The following BLCAP variants were observed in gnomAD, a reference collection of about 807,000 sequenced individuals.
The protein encoded by BLCAP is apoptosis inducing factor BLCAP.
Under a neutral mutation model 5.7 loss-of-function variants are expected in BLCAP, and 1 was observed. The observed-to-expected ratio is 0.18, with a 90% CI of 0.06 to 0.83. The LOEUF (loss-of-function observed/expected upper bound fraction) is 0.83, where lower values mean the gene tolerates loss of function less well. Among genes scored for constraint, BLCAP ranks in the 40% least tolerant of loss-of-function variants. The pLI is 0.71. For missense variants in BLCAP, 66 were observed against 107.6 expected, an observed-to-expected ratio of 0.61 and a Z score of 1.71; for synonymous variants, 48 against 49.4, an observed-to-expected ratio of 0.97 and a Z score of 0.11.
Position 37,518,322 on chromosome 20 carries a change from C to T in BLCAP, c.*589G>A, listed in dbSNP as rs1173294996. The T allele has an allele frequency of 6.6e-6, 1 of 152,372 alleles. No individual in the cohort carries two copies. Among genetic ancestry groups the T allele is most frequent in the East Asian group, 1.9e-4 (1 of 5,188 alleles). 9.4% of individuals were successfully genotyped at this position (152,372 alleles called of 1,614,324 possible). The stretch of plus-strand genomic sequence containing the variant: ...ATTTGTGGACAACTAACAGTCAAGA[C>T]ATGTTTCTGTCTAGCCTGCTGAACA... On this transcript the variant is annotated 3_prime_UTR_variant, in exon 2 of 2. Transcript: ENST00000373537.
intron 1 of BLCAP, chr20:37,522,648 C>A: frequency 6.2e-7 from 1 of 1,603,744 alleles, no homozygotes. Context: ...AAGGGTGGGT[C>A]CTGGGTTTCT....
intron 1 of BLCAP, chr20:37,522,630 T>C: frequency 6.4e-7 from 1 of 1,571,212 alleles, no homozygotes; most frequent in Non-Finnish European, 8.7e-7. Flanking sequence ...CTGTGGGTGC[T>C]CTCCACTAAG....
intron 1 of BLCAP, among the ~76,000 whole-genome samples, chr20:37,519,823 T>C (rs2071508481): frequency 6.6e-6 from 1 of 152,236 alleles, no homozygotes; most frequent in Non-Finnish European, 1.5e-5. Context: ...CTCACAGCCA[T>C]AGGTGCTCAG....
chr20:37,522,787 G>A (rs992145446), intron 1 of BLCAP: 19 of 1,552,148 alleles, frequency 1.2e-5, no homozygotes, highest in Non-Finnish European at 1.7e-5. Flanking sequence ...CTGGGCGGCC[G>A]TATCATCAGG....
intron 1 of BLCAP, chr20:37,523,543 ATTGT>A (rs1378365401): frequency 1.3e-5 from 2 of 152,438 alleles, no homozygotes; most frequent in African/African-American, 2.4e-5. Context: ...AATTGTACTG[ATTGT>A]TTAAGTGTGC....
rs911905492 is a variant in BLCAP, at chr20:37,521,374, G to A, written c.-176-2024C>T. ...GGCCTCGGCTGAACTGCTCATCATC[G>A]GCTGGTACATCTTCCGCGTGCTGCT... On this transcript the variant is annotated intron_variant, in intron 1 of 1. Transcript: ENST00000373537. The surrounding 1 kb of genome is among the most constrained non-coding windows in gnomAD (Gnocchi z 4.5). The A allele has an allele frequency of 1.2e-6, 2 of 1,613,964 alleles. No individual in the cohort carries two copies.
chr20:37,519,998 T>C (rs11906808), intron 1 of BLCAP, among the ~76,000 whole-genome samples: 3,069 of 152,344 alleles, frequency 0.02, 98 homozygotes, highest in African/African-American at 0.069. Context: ...ATCTGCCAAC[T>C]TCTCCGAAAG....
At chr20:37,522,893 G>GT in intron 1 of BLCAP, 1 of 717,004 alleles carries the variant, frequency 1.4e-6, no homozygotes. Context: ...GGCAAGGTCA[G>GT]TGAGGGGCCA....
intron 1 of BLCAP, among the ~76,000 whole-genome samples, chr20:37,526,060 C>A (rs12481150): frequency 0.27 from 40,320 of 152,022 alleles, 6,199 homozygotes; most frequent in South Asian, 0.48. Flanking sequence ...GACACTGTTA[C>A]CTTTATCTGT....
At chr20:37,519,404 CA>C (rs543149253) in intron 1 of BLCAP, 54 bp from the exon 2 acceptor site, 905 of 42,988 alleles carry the variant, frequency 0.021, 3 homozygotes, top group African/African-American at 0.051. Flanking sequence ...GACAGACAGA[CA>C]AAAAAAAAAA....
rs1568680214 is a variant in BLCAP at position 37,517,705 on chromosome 20, G to T, written c.*1206C>A. 2.6e-5 allele frequency: 4 copies of T among 152,628 alleles called. No homozygotes were observed. Among genetic ancestry groups the T allele is most frequent in the Admixed American group, 2.0e-4 (3 of 15,280 alleles). 9.5% of individuals were successfully genotyped at this position (152,628 alleles called of 1,614,324 possible). A position where few individuals can be genotyped will look rare whatever the true frequency, so the allele number is the denominator to read the frequency against. On this transcript the variant is annotated 3_prime_UTR_variant, in exon 2 of 2. Transcript: ENST00000373537. ...TTGTTACTGAAGCGCAGAAAAAGCA[G>T]CAAGTGACAGTCACAAAGTCTTCCT...
Position 37,518,840 on chromosome 20 carries a change from A to G in BLCAP, c.*71T>C, listed in dbSNP as rs560027205. The G allele has an allele frequency of 3.2e-4, 502 of 1,558,428 alleles. No individual in the cohort carries two copies. The highest frequency in any genetic ancestry group is 3.9e-4 in the Non-Finnish European group (447 of 1,154,620). ...CGAGGCTGCGGGATTTGAAACTCCA[A>G]TGCTTTATGACCTATGTCAATGCCT... On this transcript the variant is annotated 3_prime_UTR_variant, in exon 2 of 2. Coordinates refer to ENST00000373537, the MANE Select transcript of BLCAP (RefSeq NM_006698.4).
In BLCAP at chr20:37,521,180, A is replaced by AC. The variant is rs73621694; in HGVS notation, c.-176-1831dup. On this transcript the variant is annotated intron_variant, in intron 1 of 1. Coordinates refer to ENST00000373537, the MANE Select transcript of BLCAP (RefSeq NM_006698.4). This position sits in a 1 kb window ranked among gnomAD's most constrained non-coding sequence, Gnocchi z 4.5. Reference sequence around the variant, plus strand: ...CCCCCAGCCACCCCTCCTCATAAACACCCCCCAAGGCGCGCATGCGCACTT... The same window carrying AC: ...CCCCCAGCCACCCCTCCTCATAAACACCCCCCCAAGGCGCGCATGCGCACTT... 444 of 736,728 alleles carry AC rather than the reference A, an allele frequency of 6.0e-4. 3 individuals carry two copies. In the East Asian group the frequency reaches 7.9e-3, roughly 13 times the overall value. 45.6% of individuals were successfully genotyped at this position (736,728 alleles called of 1,614,324 possible).
At chr20:37,522,405 T>C in intron 1 of BLCAP, 3 of 1,614,004 alleles carry the variant, frequency 1.9e-6, no homozygotes, top group Non-Finnish European at 2.5e-6. Context: ...CTTTTCGAAA[T>C]CCTCCAGGGA....
chr20:37,518,644 AGGGG>A lies in BLCAP; in HGVS notation c.*263_*266del. The A allele has an allele frequency of 4.1e-6, 2 of 489,202 alleles. No individual in the cohort carries two copies. The highest frequency in any genetic ancestry group is 3.5e-5 in the Admixed American group (1 of 28,402). 30.3% of individuals were successfully genotyped at this position (489,202 alleles called of 1,614,324 possible). ...AGACTCCTCACAGTAATGAGGCGAG[AGGGG>A]TGGTCATGCGGCCAGCCAGGACCTA... is the stretch of plus-strand genomic sequence containing the variant. On this transcript the variant is annotated 3_prime_UTR_variant, in exon 2 of 2. Transcript: ENST00000373537.
In BLCAP at chr20:37,521,647, G is replaced by C; in HGVS notation, c.-176-2297C>G. On this transcript the variant is annotated intron_variant, in intron 1 of 1. Coordinates refer to ENST00000373537, the MANE Select transcript of BLCAP (RefSeq NM_006698.4). The surrounding 1 kb of genome is among the most constrained non-coding windows in gnomAD (Gnocchi z 4.5). ...AACAAAGACTCGGGGCGCGGCGGGC[G>C]ACCGCTGCGGACGATCACCCAGGCA... is the stretch of plus-strand genomic sequence containing the variant. 1.9e-6 allele frequency: 1 copy of C among 518,448 alleles called. No individual in the cohort carries two copies. The highest frequency in any genetic ancestry group is 5.2e-4 in the Middle Eastern group (1 of 1,938). 32.1% of individuals were successfully genotyped at this position (518,448 alleles called of 1,614,324 possible). A position where few individuals can be genotyped will look rare whatever the true frequency, so the allele number is the denominator to read the frequency against.
intron 1 of BLCAP, chr20:37,520,337 G>GGTA (rs1396507837): frequency 4.6e-5 from 7 of 152,248 alleles, no homozygotes; most frequent in Non-Finnish European, 1.5e-5. Context: ...ACGGGGCTGC[G>GGTA]GTAGCCACAA....
At chr20:37,522,058 G>A (rs2071597542) in intron 1 of BLCAP, among the ~76,000 whole-genome samples, 1 of 150,548 alleles carries the variant, frequency 6.6e-6, no homozygotes, top group African/African-American at 2.4e-5. Flanking sequence ...TTAGACAAGG[G>A]AGCTAACGGA....
intron 1 of BLCAP, among the ~76,000 whole-genome samples, chr20:37,524,024 AG>A (rs959835801): frequency 4.6e-5 from 7 of 152,124 alleles, no homozygotes; most frequent in African/African-American, 1.7e-4. Context: ...AGATGAGAGG[AG>A]GGGAAAAAGG....
Sources: gnomAD v4.1 joint callset for allele counts (sites outside exome capture counted in the v4.1 genomes callset) on GRCh38, gnomAD v4.1.1 for gene constraint, Gnocchi (gnomAD v3.1) non-coding constraint, MANE v1.5 for transcripts, NCBI Gene and HGNC (gene_info 2026-07-23, HGNC 2026-07-21) for gene names.